Variants in GRK4 observed in about 807,000 individuals in gnomAD.
GRK4 encodes G protein-coupled receptor kinase 2-like.
GRK4 carries 73 observed loss-of-function variants against 77.9 expected under a neutral mutation model. That is an observed-to-expected ratio of 0.94 (90% CI 0.78 to 1.14). GRK4 has a LOEUF of 1.14. Among genes scored for constraint, GRK4 ranks in the 50% most tolerant of loss-of-function variants. GRK4 has a pLI of 0.00. For missense variants in GRK4, 729 were observed against 700.2 expected (o/e 1.04, Z -0.46); for synonymous variants, 257 against 254.4 (o/e 1.01, Z -0.10).
chr4:3,003,346 C>T (rs555115090), intron 4 of GRK4, among the ~76,000 whole-genome samples: 44 of 152,088 alleles, frequency 2.9e-4, no homozygotes, highest in African/African-American at 3.4e-4. Flanking sequence ...CCTGCCACCA[C>T]GCCTGGCTAA....
intron 4 of GRK4, among the ~76,000 whole-genome samples, chr4:2,996,074 T>C (rs894064204): frequency 1.3e-5 from 2 of 152,190 alleles, no homozygotes; most frequent in Non-Finnish European, 2.9e-5. Flanking sequence ...AAAAACCTTT[T>C]TTTTTTTTCC....
intron 8 of GRK4, among the ~76,000 whole-genome samples, chr4:3,018,184 T>C (rs1212825622): frequency 6.6e-6 from 1 of 151,960 alleles, no homozygotes; most frequent in Non-Finnish European, 1.5e-5. Context: ...CTGCTGGGAT[T>C]ATAGGTATGA....
At position 2,964,025 on chromosome 4, in the gene GRK4, G is replaced by T. The variant is rs1427013112; in HGVS notation, c.-46G>T. On this transcript the variant is annotated 5_prime_UTR_variant, in exon 1 of 16. Coordinates refer to ENST00000398052, the MANE Select transcript of GRK4 (RefSeq NM_182982.3). ...CGTCTCCTCCTGTTCCGCCTCCTCA[G>T]TCTCCTCGGTCTCGCAGAATCCGCC... 1.3e-6 allele frequency: 2 copies of T among 1,578,900 alleles called. No individual in the cohort carries two copies. Among genetic ancestry groups the T allele is most frequent in the Non-Finnish European group, 1.7e-6 (2 of 1,157,398 alleles).
intron 1 of GRK4, among the ~76,000 whole-genome samples, chr4:2,974,066 C>T (rs1448073845): frequency 2.6e-5 from 4 of 152,156 alleles, no homozygotes; most frequent in Non-Finnish European, 5.9e-5. Flanking sequence ...CCCAGGCTGG[C>T]CTCGGACTCC....
At chr4:3,035,748 G>GT (rs1740454303) in intron 13 of GRK4, among the ~76,000 whole-genome samples, 1 of 151,050 alleles carries the variant, frequency 6.6e-6, no homozygotes, top group Non-Finnish European at 1.5e-5. Context: ...GTTTTTTTTT[G>GT]TTTTTTATTA....
rs555775139 is a variant in GRK4, at chr4:2,988,716, G to A, written c.149-11G>A. The A allele has an allele frequency of 2.7e-6, 4 of 1,467,004 alleles. No individual in the cohort carries two copies. In the African/African-American group the frequency reaches 5.6e-5, roughly 20 times the overall value. 90.9% of individuals were successfully genotyped at this position (1,467,004 alleles called of 1,614,324 possible). On this transcript the variant is annotated splice_polypyrimidine_tract_variant and intron_variant, in intron 2 of 15. Transcript: ENST00000398052. ...CTATTTGTTTGCTTCTTATCCCTTTGCTTCACCCAGAAAAGGATTATAGCA... is the reference window on the plus strand; with the variant it reads ...CTATTTGTTTGCTTCTTATCCCTTTACTTCACCCAGAAAAGGATTATAGCA...
chr4:3,015,548 G>A lies in GRK4; in HGVS notation c.741+1720G>A, dbSNP rs1005153224. Among the ~76,000 whole-genome samples, 53 of 152,070 alleles carry A rather than the reference G, an allele frequency of 3.5e-4. 1 individual carries two copies. Among genetic ancestry groups the A allele is most frequent in the Non-Finnish European group, 1.5e-4 (10 of 67,980 alleles). ...GAATTAGCCAGGCGTGGTGGCAGGC[G>A]CCTGTAGTCCCAGCTACTCAGGAGG... is the stretch of plus-strand genomic sequence containing the variant. On this transcript the variant is annotated intron_variant, in intron 8 of 15. Transcript: ENST00000398052.
chr4:3,000,018 C>T (rs1008469915), intron 4 of GRK4, among the ~76,000 whole-genome samples: 89 of 152,240 alleles, frequency 5.8e-4, no homozygotes, highest in African/African-American at 2.1e-3. Context: ...AAAATCCACC[C>T]TCCCTTCCCT....
chr4:2,988,075 C>CAAA lies in GRK4; in HGVS notation c.149-630_149-628dup, dbSNP rs67664476. ...TGGATGACAGAGTGAGGCTCTGTCT[C>CAAA]AAAAAAAAAAAAAAAAAAAAAAAAG... On this transcript the variant is annotated intron_variant, in intron 2 of 15. Coordinates refer to ENST00000398052, the MANE Select transcript of GRK4 (RefSeq NM_182982.3). 3.5e-3 allele frequency among the ~76,000 whole-genome samples: 115 copies of CAAA among 33,078 alleles called. 2 individuals carry two copies. Among genetic ancestry groups the CAAA allele is most frequent in the East Asian group, 5.0e-3 (6 of 1,208 alleles). The allele number at this position is 33,078 out of a possible 152,430, so 21.7% of individuals were successfully genotyped here.
chr4:2,975,552 C>G (rs1317131873), intron 1 of GRK4, among the ~76,000 whole-genome samples: 1 of 152,128 alleles, frequency 6.6e-6, no homozygotes, highest in African/African-American at 2.4e-5. Context: ...TTGATTAGCG[C>G]CCAGTTCTGC....
intron 8 of GRK4, among the ~76,000 whole-genome samples, chr4:3,014,227 G>T (rs1733771319): frequency 6.6e-6 from 1 of 150,702 alleles, no homozygotes; most frequent in Non-Finnish European, 1.5e-5. Flanking sequence ...TCAGCCTCCA[G>T]TCAATTTCTC....
chr4:2,995,700 G>C (rs532245968), intron 4 of GRK4, among the ~76,000 whole-genome samples: 1 of 152,028 alleles, frequency 6.6e-6, no homozygotes, highest in East Asian at 1.9e-4. Flanking sequence ...GTTTACTTGA[G>C]CTAAAGTAAA....
At chr4:2,988,458 AG>A (rs1420583109) in intron 2 of GRK4, among the ~76,000 whole-genome samples, 1 of 151,994 alleles carries the variant, frequency 6.6e-6, no homozygotes, top group African/African-American at 2.4e-5. Flanking sequence ...TCTAGATATT[AG>A]ATGCTTAACA....
chr4:2,963,874 A>G lies in GRK4; in HGVS notation c.-197A>G. ...CGCCCCGACCGCTCCCCTGCTGGTG[A>G]GGGCCTGCGGAGGCGGCGGCGGCGG... On this transcript the variant is annotated 5_prime_UTR_variant, in exon 1 of 16. Coordinates refer to ENST00000398052, the MANE Select transcript of GRK4 (RefSeq NM_182982.3). 1 of 630,840 alleles carries G rather than the reference A, an allele frequency of 1.6e-6. No homozygotes were observed. The highest frequency in any genetic ancestry group is 2.8e-6 in the Non-Finnish European group (1 of 356,674). The allele number at this position is 630,840 out of a possible 1,614,324, so 39.1% of individuals were successfully genotyped here. A position where few individuals can be genotyped will look rare whatever the true frequency, so the allele number is the denominator to read the frequency against.
At chr4:2,975,178 C>G (rs1172271362) in intron 1 of GRK4, among the ~76,000 whole-genome samples, 2 of 152,154 alleles carry the variant, frequency 1.3e-5, no homozygotes, top group African/African-American at 4.8e-5. Flanking sequence ...TTGCGCGCAC[C>G]TGTAGTCCCA....
intron 15 of GRK4, 40 bp downstream of exon 15, chr4:3,038,553 A>G (rs767124200): frequency 1.1e-5 from 10 of 921,362 alleles, no homozygotes; most frequent in Admixed American, 9.0e-5. Flanking sequence ...TGTGTATGTG[A>G]AAAAAAAAAA....
At chr4:2,975,172 G>A (rs543526886) in intron 1 of GRK4, among the ~76,000 whole-genome samples, 15 of 152,174 alleles carry the variant, frequency 9.9e-5, no homozygotes, top group South Asian at 6.2e-4. Context: ...GCGTGGTTGC[G>A]CGCACCTGTA....
intron 4 of GRK4, among the ~76,000 whole-genome samples, chr4:2,997,670 G>A (rs985361446): frequency 1.3e-5 from 2 of 152,288 alleles, no homozygotes; most frequent in African/African-American, 4.8e-5. Flanking sequence ...AGCACTTTGG[G>A]AGGCCGAGGT....
intron 1 of GRK4, among the ~76,000 whole-genome samples, chr4:2,968,086 C>T (rs972783252): frequency 9.2e-5 from 14 of 151,438 alleles, no homozygotes; most frequent in South Asian, 4.2e-4. Context: ...CCACTGTGCC[C>T]GGCCTGTTTT....
Sources: allele counts gnomAD v4.1 joint callset (sites outside exome capture counted in the v4.1 genomes callset), GRCh38; gene constraint gnomAD v4.1.1; transcripts MANE v1.5; gene names NCBI Gene and HGNC (gene_info 2026-07-23, HGNC 2026-07-21).